The following TYR variants were observed in gnomAD, a reference collection of about 807,000 sequenced individuals.
TYR encodes tyrosinase.
A neutral mutation model predicts 51.5 loss-of-function variants in TYR; 58 were observed. The observed-to-expected ratio is 1.13, with a 90% CI of 0.91 to 1.40. The LOEUF is 1.40. Ranked by LOEUF, TYR falls within the 40% of genes most tolerant of loss-of-function variation. TYR has a pLI of 0.00. For synonymous variants in TYR, 263 were observed against 235.2 expected (o/e 1.12, Z -1.08); for missense variants, 732 against 647.4 (o/e 1.13, Z -1.42).
intron 2 of TYR, among the ~76,000 whole-genome samples, chr11:89,206,562 G>A (rs2135265526): frequency 6.6e-6 from 1 of 152,240 alleles, no homozygotes; most frequent in East Asian, 1.9e-4. Flanking sequence ...CAATACTGCT[G>A]TTTAACCAAC....
intron 3 of TYR, among the ~76,000 whole-genome samples, chr11:89,263,784 A>G (rs1226616153): frequency 6.6e-6 from 1 of 152,112 alleles, no homozygotes; most frequent in South Asian, 2.1e-4. Context: ...TAACCAAATC[A>G]GGGCAAGACT....
chr11:89,220,759 A>T (rs1001721917), intron 2 of TYR, among the ~76,000 whole-genome samples: 1 of 152,134 alleles, frequency 6.6e-6, no homozygotes, highest in African/African-American at 2.4e-5. Context: ...TCCGTCTCAA[A>T]AAAACAAAAC....
At chr11:89,280,223 C>G (rs2135321065) in intron 3 of TYR, among the ~76,000 whole-genome samples, 1 of 151,790 alleles carries the variant, frequency 6.6e-6, no homozygotes, top group East Asian at 1.9e-4. Context: ...TTCGAGGAAC[C>G]CCAGTTCCCT....
intron 2 of TYR, among the ~76,000 whole-genome samples, chr11:89,220,942 C>T (rs1943903833): frequency 6.6e-6 from 1 of 152,046 alleles, no homozygotes; most frequent in African/African-American, 2.4e-5. Context: ...ACACAAACAC[C>T]GAGGTTAACA....
At chr11:89,185,856 C>T (rs1232645416) in intron 1 of TYR, among the ~76,000 whole-genome samples, 1 of 151,996 alleles carries the variant, frequency 6.6e-6, no homozygotes, top group African/African-American at 2.4e-5. Context: ...CCCTTTTTGG[C>T]TTACGTAGTC....
At chr11:89,243,681 C>T (rs1191115457) in intron 3 of TYR, among the ~76,000 whole-genome samples, 6 of 152,116 alleles carry the variant, frequency 3.9e-5, no homozygotes, top group Admixed American at 3.3e-4. Context: ...TAAAGTGTAA[C>T]AATGTCCAAC....
At chr11:89,183,490 G>A (rs1943328325) in intron 1 of TYR, among the ~76,000 whole-genome samples, 1 of 152,072 alleles carries the variant, frequency 6.6e-6, no homozygotes, top group African/African-American at 2.4e-5. Flanking sequence ...GGATTAAATG[G>A]AATGGGAAAC....
At chr11:89,290,778 C>G (rs1424981025) in intron 4 of TYR, among the ~76,000 whole-genome samples, 5 of 151,970 alleles carry the variant, frequency 3.3e-5, no homozygotes, top group Non-Finnish European at 7.4e-5. Context: ...CCATGACTTG[C>G]TGCAAGGTAA....
chr11:89,256,666 C>T (rs1034268416), intron 3 of TYR, among the ~76,000 whole-genome samples: 3 of 151,754 alleles, frequency 2.0e-5, no homozygotes, highest in African/African-American at 7.3e-5. Context: ...TTGGAGGAAG[C>T]AGTACCACTC....
chr11:89,197,696 A>G (rs1261318835), intron 2 of TYR, among the ~76,000 whole-genome samples: 1 of 152,066 alleles, frequency 6.6e-6, no homozygotes, highest in East Asian at 1.9e-4. Flanking sequence ...ATGAGGATGA[A>G]GATGAGTTGG....
At chr11:89,273,188 C>G (rs1005852046) in intron 3 of TYR, among the ~76,000 whole-genome samples, 6 of 151,890 alleles carry the variant, frequency 4.0e-5, no homozygotes, top group Non-Finnish European at 7.4e-5. Flanking sequence ...TTATTCTTAC[C>G]TCTAATATTT....
chr11:89,221,313 C>T (rs1943909777), intron 2 of TYR, among the ~76,000 whole-genome samples: 1 of 152,200 alleles, frequency 6.6e-6, no homozygotes, highest in Non-Finnish European at 1.5e-5. Flanking sequence ...TAGTATGAAA[C>T]ACTCATGCAC....
intron 3 of TYR, among the ~76,000 whole-genome samples, chr11:89,261,754 T>G (rs1944458696): frequency 6.6e-6 from 1 of 152,108 alleles, no homozygotes; most frequent in African/African-American, 2.4e-5. Context: ...TGCACATTTT[T>G]TTCAAGTGCA....
At position 89,178,907 on chromosome 11, in the gene TYR, C is replaced by A. The variant is rs1469039930; in HGVS notation, c.819+135C>A. 8.4e-6 allele frequency: 7 copies of A among 830,794 alleles called. No individual in the cohort carries two copies. In the Admixed American group the frequency reaches 1.4e-4, roughly 17 times the overall value. 51.5% of individuals were successfully genotyped at this position (830,794 alleles called of 1,614,324 possible). The stretch of plus-strand genomic sequence containing the variant: ...GACAGAAATGGTGCCCTGTTAAGAA[C>A]TCTCAATGTATCTTGTATTTTTCCT... On this transcript the variant is annotated intron_variant, in intron 1 of 4. Transcript: ENST00000263321.
At chr11:89,252,775 G>A (rs1944346165) in intron 3 of TYR, among the ~76,000 whole-genome samples, 1 of 151,684 alleles carries the variant, frequency 6.6e-6, no homozygotes, top group Admixed American at 6.6e-5. Context: ...ATAAGATCGG[G>A]GACGTAATGA....
chr11:89,262,918 T>A (rs1438889044), intron 3 of TYR, among the ~76,000 whole-genome samples: 1 of 144,952 alleles, frequency 6.9e-6, no homozygotes, highest in East Asian at 2.0e-4. Flanking sequence ...GATAGCTTAA[T>A]TAATTGATTT....
intron 2 of TYR, among the ~76,000 whole-genome samples, chr11:89,220,658 G>T (rs908176570): frequency 6.6e-6 from 1 of 152,124 alleles, no homozygotes; most frequent in Non-Finnish European, 1.5e-5. Context: ...GAACGCTGAG[G>T]CAGAAAAATC....
chr11:89,231,098 G>T (rs1944042039), intron 3 of TYR, among the ~76,000 whole-genome samples: 1 of 148,790 alleles, frequency 6.7e-6, no homozygotes, highest in South Asian at 2.1e-4. Flanking sequence ...TTTAACTTGG[G>T]AGGTAGAGTT....
chr11:89,257,210 A>T (rs1287777487), intron 3 of TYR, among the ~76,000 whole-genome samples: 1 of 151,974 alleles, frequency 6.6e-6, no homozygotes, highest in Non-Finnish European at 1.5e-5. Context: ...CCAAAGTGGA[A>T]TGTAGTAGGA....
Sources: allele counts gnomAD v4.1 joint callset (sites outside exome capture counted in the v4.1 genomes callset), GRCh38; gene constraint gnomAD v4.1.1; transcripts MANE v1.5; gene names NCBI Gene and HGNC (gene_info 2026-07-23, HGNC 2026-07-21).